Variants in TCF25 observed in about 807,000 individuals in gnomAD.
TCF25 encodes ribosome quality control complex subunit TCF25.
A neutral mutation model predicts 83.1 loss-of-function variants in TCF25; 41 were observed. The ratio of observed to expected loss-of-function variants is 0.49; its 90% CI spans 0.38 to 0.64. The LOEUF (loss-of-function observed/expected upper bound fraction) is 0.64. TCF25 is among the 30% of genes least tolerant of loss of function. TCF25 has a pLI of 0.00. For missense variants in TCF25, 979 were observed against 914.5 expected, an observed-to-expected ratio of 1.07 and a Z score of -0.91; for synonymous variants, 458 against 365.0, an observed-to-expected ratio of 1.25 and a Z score of -2.90.
In TCF25 at chr16:89,905,061, C is replaced by T. The variant is rs144937287; in HGVS notation, c.1593C>T (p.Asp531=). The T allele has an allele frequency of 0.021, 33,200 of 1,602,084 alleles. 389 individuals are homozygous for T. The highest frequency in any genetic ancestry group is 0.025 in the Non-Finnish European group (29,625 of 1,175,024). Residue 531 remains aspartate (D), a synonymous_variant, in exon 14 of 18, where the codon GAC becomes GAT. Transcript: ENST00000263346. ...TCCACGAGGTTCTGCAAGCAGTGGACGCCGGGGACCCAGCCGTGGAAGCCT... is the reference window on the plus strand; with the variant it reads ...TCCACGAGGTTCTGCAAGCAGTGGATGCCGGGGACCCAGCCGTGGAAGCCT... The part of the protein sequence containing the change: ...ENVHEVLQAV[D]AGDPAVEACE...
At chr16:89,885,077 CCTGACGCCCTCTCCCTCTGCCTGACG>C in intron 3 of TCF25, among the ~76,000 whole-genome samples, 1 of 139,440 alleles carries the variant, frequency 7.2e-6, no homozygotes, top group African/African-American at 2.6e-5. Context: ...TCTCCCTCTG[CCTGACGCCCTCTCCCTCTGCCTGACG>C]CCCTCTCCCT....
chr16:89,884,159 G>T (rs750390320), intron 2 of TCF25: 1 of 192,158 alleles, frequency 5.2e-6, no homozygotes, highest in Non-Finnish European at 1.1e-5. Context: ...AGGGTCCTGG[G>T]GGCTTCCTGA....
intron 4 of TCF25, among the ~76,000 whole-genome samples, chr16:89,886,447 T>C (rs2043025409): frequency 6.9e-6 from 1 of 144,106 alleles, no homozygotes. Context: ...ATAATAATAA[T>C]AATATGAGTT....
intron 14 of TCF25, 27 bp downstream of exon 14, chr16:89,905,123 G>A (rs1448084452): frequency 3.2e-6 from 5 of 1,544,876 alleles, no homozygotes; most frequent in Non-Finnish European, 4.4e-6. Context: ...CACAAGCCCT[G>A]CCACGCCCCC....
At chr16:89,878,433 C>CTTTTTTT in intron 1 of TCF25, 4 of 862,022 alleles carry the variant, frequency 4.6e-6, no homozygotes, top group Admixed American at 3.4e-5. Flanking sequence ...TAAAAATCAC[C>CTTTTTTT]ATTTTTTTTT....
At chr16:89,897,172 T>A (rs920613035) in intron 9 of TCF25, among the ~76,000 whole-genome samples, 1 of 152,242 alleles carries the variant, frequency 6.6e-6, no homozygotes, top group African/African-American at 2.4e-5. Flanking sequence ...TTTGCAGGTT[T>A]GACCTTAAAT....
intron 1 of TCF25, among the ~76,000 whole-genome samples, chr16:89,880,804 A>G (rs940283604): frequency 2.7e-5 from 3 of 112,560 alleles, no homozygotes; most frequent in Non-Finnish European, 5.9e-5. Context: ...TGTAGATCCA[A>G]TTTACCAGTG....
chr16:89,900,638 C>A lies in TCF25; in HGVS notation c.1225C>A (p.His409Asn), dbSNP rs763121507. ...TCTGTTTCTTCGTCCCTCGTAGGCT[C>A]ATCGGAACCTGTCCCAGCTCCCTAA... ...LIRLFQEWEA[H>N]RNLSQLPNFA... is the part of the protein sequence containing the mutation. The change falls in exon 12 of 18, where the codon CAT (histidine) becomes AAT (asparagine). Residue 409 changes from histidine to asparagine, a missense_variant. Coordinates refer to ENST00000263346, the MANE Select transcript of TCF25 (RefSeq NM_014972.3). 1 of 1,590,150 alleles carries A rather than the reference C, an allele frequency of 6.3e-7. No homozygotes were observed. The highest frequency in any genetic ancestry group is 8.6e-7 in the Non-Finnish European group (1 of 1,160,064).
intron 5 of TCF25, chr16:89,890,062 G>A (rs2043309463): frequency 1.3e-5 from 2 of 152,038 alleles, no homozygotes; most frequent in African/African-American, 4.8e-5. Context: ...TAGAGACGGG[G>A]TTTCACCATG....
At chr16:89,887,152 G>T (rs1045586143) in intron 4 of TCF25, among the ~76,000 whole-genome samples, 2 of 152,048 alleles carry the variant, frequency 1.3e-5, no homozygotes, top group Non-Finnish European at 2.9e-5. Context: ...TCTTGCCTCA[G>T]TCTCCCAAAA....
At chr16:89,906,615 G>A (rs1038436012) in intron 15 of TCF25, among the ~76,000 whole-genome samples, 5 of 152,192 alleles carry the variant, frequency 3.3e-5, no homozygotes, top group African/African-American at 7.2e-5. Flanking sequence ...CTGCTCTGAC[G>A]CCTCCTGTGC....
chr16:89,901,477 G>GA (rs1282069512), intron 12 of TCF25, among the ~76,000 whole-genome samples: 5 of 146,322 alleles, frequency 3.4e-5, no homozygotes, highest in Non-Finnish European at 7.6e-5. Context: ...CGGGCGCGGT[G>GA]GCTCACGCCT....
chr16:89,885,918 G>C lies in TCF25; in HGVS notation c.500G>C (p.Gly167Ala). 1 of 1,614,028 alleles carries C rather than the reference G, an allele frequency of 6.2e-7. No homozygotes were observed. The highest frequency in any genetic ancestry group is 8.5e-7 in the Non-Finnish European group (1 of 1,180,010). Residue 167 changes from glycine (G) to alanine (A), a missense_variant, in exon 4 of 18, where the codon GGC becomes GCC. Physicochemically the swap from Gly to Ala is moderately conservative, Grantham distance 60. Transcript: ENST00000263346. ...IEDSTGLNRP[G>A]PAPLSSRKHV... ...GACAGCACTGGGTTGAACCGTCCCG[G>C]CCCAGCTCCCCTGAGCTCCAGGAAG...
At position 89,900,665 on chromosome 16, in the gene TCF25, T is replaced by C; in HGVS notation, c.1252T>C (p.Phe418Leu). The C allele has an allele frequency of 6.3e-7, 1 of 1,598,108 alleles. No homozygotes were observed. Among genetic ancestry groups the C allele is most frequent in the South Asian group, 1.1e-5 (1 of 90,660 alleles). Reference sequence around the variant, plus strand: ...TCGGAACCTGTCCCAGCTCCCTAATTTTGCCTTCTCTGTTCCACTGGCGTA... The same window carrying C: ...TCGGAACCTGTCCCAGCTCCCTAATCTTGCCTTCTCTGTTCCACTGGCGTA... Reference protein sequence around the residue: ...AHRNLSQLPNFAFSVPLAYFL... With the variant: ...AHRNLSQLPNLAFSVPLAYFL... Residue 418 changes from phenylalanine (F) to leucine (L), a missense_variant, in exon 12 of 18, where the codon TTT (phenylalanine) becomes CTT (leucine). By Grantham distance (22) the Phe-to-Leu change is conservative. Coordinates refer to ENST00000263346, the MANE Select transcript of TCF25 (RefSeq NM_014972.3).
At chr16:89,885,758 G>A in intron 3 of TCF25, 90 bp from the exon 4 acceptor site, 4 of 1,055,070 alleles carry the variant, frequency 3.8e-6, no homozygotes, top group East Asian at 4.9e-5. Context: ...CAGTGTAATA[G>A]GTCTCTTTTA....
At chr16:89,904,262 G>A in intron 13 of TCF25, 57 bp downstream of exon 13, 2 of 1,538,800 alleles carry the variant, frequency 1.3e-6, no homozygotes, top group Non-Finnish European at 1.8e-6. Flanking sequence ...GAGCCTGGGA[G>A]CCATTTTCAC....
intron 5 of TCF25, among the ~76,000 whole-genome samples, chr16:89,888,751 A>G (rs2043199630): frequency 7.0e-6 from 1 of 143,488 alleles, no homozygotes; most frequent in African/African-American, 2.6e-5. Context: ...ATCCTGGCTC[A>G]CTGCAACCTC....
chr16:89,893,322 C>T (rs2043573594), intron 6 of TCF25, among the ~76,000 whole-genome samples: 2 of 152,224 alleles, frequency 1.3e-5, no homozygotes, highest in African/African-American at 4.8e-5. Flanking sequence ...TGTGCCACCG[C>T]ACTCCAACCC....
intron 6 of TCF25, 23 bp from the exon 7 acceptor site, chr16:89,893,705 C>G: frequency 6.2e-7 from 1 of 1,613,418 alleles, no homozygotes; most frequent in East Asian, 2.2e-5. Flanking sequence ...GGCACACCCT[C>G]CCTGAGCACT....
Sources: allele counts gnomAD v4.1 joint callset (sites outside exome capture counted in the v4.1 genomes callset), GRCh38; gene constraint gnomAD v4.1.1; transcripts MANE v1.5; gene names NCBI Gene and HGNC (gene_info 2026-07-23, HGNC 2026-07-21).